SRP72: variants seen among roughly 807,000 people sequenced by gnomAD.
SRP72 encodes the protein signal recognition particle 72, also known as signal recognition particle subunit SRP72.
A neutral mutation model predicts 96.3 loss-of-function variants in SRP72; 49 were observed. The observed-to-expected ratio is 0.51, with a 90% CI of 0.40 to 0.65. The LOEUF (loss-of-function observed/expected upper bound fraction) is 0.65, where lower values mean the gene tolerates loss of function less well. SRP72 is among the 30% of genes least tolerant of loss of function. SRP72 has a pLI of 0.00. For synonymous variants in SRP72, 267 were observed against 275.2 expected (o/e 0.97, Z 0.30); for missense variants, 736 against 793.3 (o/e 0.93, Z 0.87).
intron 10 of SRP72, 85 bp downstream of exon 10, chr4:56,484,949 A>G: frequency 1.4e-6 from 2 of 1,461,702 alleles, no homozygotes; most frequent in Non-Finnish European, 9.0e-7. Context: ...TAGCATGTAA[A>G]TTTAATGGGA....
chr4:56,482,133 A>C (rs1560680915), intron 8 of SRP72, among the ~76,000 whole-genome samples: 1 of 147,084 alleles, frequency 6.8e-6, no homozygotes, highest in African/African-American at 2.5e-5. Context: ...TTAGCATTGA[A>C]GTATTTTTAA....
At position 56,484,846 on chromosome 4, in the gene SRP72, A is replaced by G. The variant is rs1720645078; in HGVS notation, c.1068A>G (p.Lys356=). ...AQLCREKQHT[K]AIELLQEFSD... Reference sequence around the variant, plus strand: ...TCTGCCGTGAAAAGCAGCACACAAAAGCAATAGAGCTGCTTCAGGTAAAAT... The same window carrying G: ...TCTGCCGTGAAAAGCAGCACACAAAGGCAATAGAGCTGCTTCAGGTAAAAT... The change falls in exon 10 of 19, where the codon AAA becomes AAG. Residue 356 remains lysine (K), a synonymous_variant. Transcript: ENST00000642900. 4 of 1,610,266 alleles carry G rather than the reference A, an allele frequency of 2.5e-6. No homozygotes were observed. Among genetic ancestry groups the G allele is most frequent in the Non-Finnish European group, 3.4e-6 (4 of 1,179,242 alleles).
intron 5 of SRP72, chr4:56,475,894 CAG>C (rs1720199889): frequency 6.6e-6 from 1 of 151,982 alleles, no homozygotes; most frequent in Non-Finnish European, 1.5e-5. Flanking sequence ...TTCATAAGAA[CAG>C]AAATTTAGAA....
intron 9 of SRP72, among the ~76,000 whole-genome samples, chr4:56,483,640 G>T (rs543219833): frequency 6.6e-6 from 1 of 151,436 alleles, no homozygotes. Context: ...CTTCACTCCA[G>T]CCTGGGCAAC....
chr4:56,483,943 C>G (rs952130563), intron 9 of SRP72, among the ~76,000 whole-genome samples: 3 of 149,814 alleles, frequency 2.0e-5, no homozygotes, highest in African/African-American at 7.4e-5. Flanking sequence ...TTAAGGAAGT[C>G]AATTCTAACT....
intron 14 of SRP72, 64 bp downstream of exon 14, chr4:56,490,500 G>C: frequency 6.3e-7 from 1 of 1,595,750 alleles, no homozygotes; most frequent in Non-Finnish European, 8.6e-7. Flanking sequence ...ATATGAGGGA[G>C]TTACTTGTTT....
At chr4:56,468,171 A>G (rs1455084507) in intron 1 of SRP72, among the ~76,000 whole-genome samples, 1 of 152,128 alleles carries the variant, frequency 6.6e-6, no homozygotes, top group Non-Finnish European at 1.5e-5. Context: ...TTTGGCCGCT[A>G]AAGGGGGAGG....
chr4:56,473,974 G>C, intron 3 of SRP72, 80 bp from the exon 4 acceptor site: 2 of 1,431,436 alleles, frequency 1.4e-6, no homozygotes, highest in Non-Finnish European at 1.9e-6. Flanking sequence ...CTACTTAGTG[G>C]TTCCAAAAAA....
intron 18 of SRP72, among the ~76,000 whole-genome samples, chr4:56,501,118 T>A (rs922013691): frequency 1.1e-4 from 17 of 152,136 alleles, no homozygotes; most frequent in East Asian, 1.9e-4. Context: ...TTTTAAAAAA[T>A]TTTTTCTGGC....
In SRP72 at chr4:56,474,208, T is replaced by C. The variant is rs749963511; in HGVS notation, c.498+11T>C. On this transcript the variant is annotated intron_variant, in intron 4 of 18. Coordinates refer to ENST00000642900, the MANE Select transcript of SRP72 (RefSeq NM_006947.4). ...GAAAAAGTGGTTCCAGTGAGTATCC[T>C]TGTGGTGTACCCATACAGTCATGAA... The C allele has an allele frequency of 6.2e-7, 1 of 1,614,120 alleles. No homozygotes were observed.
chr4:56,487,198 G>A (rs1720741766), intron 11 of SRP72, among the ~76,000 whole-genome samples: 1 of 152,072 alleles, frequency 6.6e-6, no homozygotes, highest in South Asian at 2.1e-4. Flanking sequence ...ATATTACAGT[G>A]GCTGAAATGA....
At chr4:56,483,580 T>G (rs1162865260) in intron 9 of SRP72, among the ~76,000 whole-genome samples, 1 of 151,922 alleles carries the variant, frequency 6.6e-6, no homozygotes, top group African/African-American at 2.4e-5. Flanking sequence ...TCCCAGCTAC[T>G]CTGGAGACTG....
intron 16 of SRP72, among the ~76,000 whole-genome samples, chr4:56,494,292 ATTG>A (rs1310698610): frequency 6.6e-5 from 10 of 152,212 alleles, no homozygotes; most frequent in South Asian, 2.1e-4. Flanking sequence ...TTTGGTAGGA[ATTG>A]TTGTCTCATC....
chr4:56,468,916 C>T (rs1001720781), intron 1 of SRP72, among the ~76,000 whole-genome samples: 11 of 152,176 alleles, frequency 7.2e-5, no homozygotes, highest in Admixed American at 2.0e-4. Flanking sequence ...AATTGGACTT[C>T]TGTAGTTGCA....
At chr4:56,475,741 GA>G (rs1720190535) in intron 5 of SRP72, 1 of 152,126 alleles carries the variant, frequency 6.6e-6, no homozygotes, top group Non-Finnish European at 1.5e-5. Flanking sequence ...GAGTAATACA[GA>G]CTTTTCAGTG....
Position 56,469,680 on chromosome 4 carries a change from C to T in SRP72, c.137C>T (p.Thr46Ile), listed in dbSNP as rs1457859581. Residue 46 changes from threonine to isoleucine, a missense_variant, in exon 2 of 19, where the codon ACT becomes ATT. Coordinates refer to ENST00000642900, the MANE Select transcript of SRP72 (RefSeq NM_006947.4). ...CTACAGATCAACAAAGATGACGTAA[C>T]TGCCCTGCATTGTAAAGTGGTATGC... is the stretch of plus-strand genomic sequence containing the variant. ...KILQINKDDV[T>I]ALHCKVVCLI... 6 of 1,607,634 alleles carry T rather than the reference C, an allele frequency of 3.7e-6. No homozygotes were observed. The highest frequency in any genetic ancestry group is 5.1e-6 in the Non-Finnish European group (6 of 1,175,424).
intron 16 of SRP72, among the ~76,000 whole-genome samples, chr4:56,494,152 G>T (rs1353290615): frequency 6.8e-6 from 1 of 147,288 alleles, no homozygotes; most frequent in Non-Finnish European, 1.5e-5. Flanking sequence ...TAATTTGTAG[G>T]GAGACAATTT....
intron 10 of SRP72, among the ~76,000 whole-genome samples, chr4:56,485,843 C>T (rs1199906850): frequency 6.6e-6 from 1 of 152,076 alleles, no homozygotes; most frequent in Non-Finnish European, 1.5e-5. Context: ...GTATGACTGC[C>T]TCTGTACTGA....
At chr4:56,474,877 T>C (rs1720144600) in intron 5 of SRP72, among the ~76,000 whole-genome samples, 1 of 152,130 alleles carries the variant, frequency 6.6e-6, no homozygotes, top group South Asian at 2.1e-4. Context: ...GTAGAGATGG[T>C]TTTCGCCATG....
Sources: allele counts gnomAD v4.1 joint callset (sites outside exome capture counted in the v4.1 genomes callset), GRCh38; gene constraint gnomAD v4.1.1; transcripts MANE v1.5; gene names NCBI Gene and HGNC (gene_info 2026-07-23, HGNC 2026-07-21).